UROS: variants seen among roughly 807,000 people sequenced by gnomAD.
UROS encodes the protein uroporphyrinogen III synthase, also known as uroporphyrinogen-III synthase.
A neutral mutation model predicts 33.0 loss-of-function variants in UROS; 18 were observed. The observed-to-expected ratio is 0.55, with a 90% CI of 0.38 to 0.81. UROS has a LOEUF of 0.81. Among genes scored for constraint, UROS ranks in the 30% least tolerant of loss-of-function variants. The pLI, the probability that UROS is intolerant of heterozygous loss-of-function variation, is 0.00. For synonymous variants in UROS, 114 were observed against 121.1 expected (o/e 0.94, Z 0.38); for missense variants, 293 against 314.9 (o/e 0.93, Z 0.53).
chr10:125,790,019 C>T (rs569392491), intron 9 of UROS, among the ~76,000 whole-genome samples: 4 of 152,338 alleles, frequency 2.6e-5, no homozygotes, highest in African/African-American at 9.6e-5. Flanking sequence ...TTCATCCTCC[C>T]TCCCAGCAAG....
chr10:125,819,648 C>T (rs1210652372), intron 1 of UROS: 1 of 152,378 alleles, frequency 6.6e-6, no homozygotes, highest in Non-Finnish European at 1.5e-5. Context: ...ACCCTAGGGT[C>T]TGCATCAAGC....
At chr10:125,786,415 T>C (rs746975631), downstream of UROS, among the ~76,000 whole-genome samples, 1 of 151,890 alleles carries the variant, frequency 6.6e-6, no homozygotes, top group Non-Finnish European at 1.5e-5. Context: ...GTAGCTGGGA[T>C]TATAGGCACC....
intron 3 of UROS, among the ~76,000 whole-genome samples, chr10:125,815,436 C>T (rs946079876): frequency 6.6e-6 from 1 of 152,114 alleles, no homozygotes; most frequent in Non-Finnish European, 1.5e-5. Flanking sequence ...CCTGACGCAG[C>T]CTGGGATTAG....
At chr10:125,821,664 GA>G (rs949773404) in intron 1 of UROS, among the ~76,000 whole-genome samples, 3 of 151,928 alleles carry the variant, frequency 2.0e-5, no homozygotes, top group Non-Finnish European at 2.9e-5. Flanking sequence ...AAAGAAACAG[GA>G]AAAAAAATTG....
intron 7 of UROS, chr10:125,796,672 C>A: frequency 1.5e-6 from 1 of 664,152 alleles, no homozygotes; most frequent in Non-Finnish European, 1.9e-6. Context: ...TCCACTTGTA[C>A]AAGAACTGAT....
chr10:125,805,237 G>C (rs1211302375), intron 6 of UROS, among the ~76,000 whole-genome samples: 1 of 152,186 alleles, frequency 6.6e-6, no homozygotes, highest in Non-Finnish European at 1.5e-5. Flanking sequence ...TTAAGCCTCT[G>C]CCCACCAGAT....
chr10:125,794,277 G>T lies in UROS; in HGVS notation c.660+603C>A, dbSNP rs532959914. On this transcript the variant is annotated intron_variant, in intron 9 of 9. Coordinates refer to ENST00000368797, the MANE Select transcript of UROS (RefSeq NM_000375.3). ...ATGAGATGCACCTGTGAGAAGGCAGGTGAAGCCTTTTGCTCTTCCTGACTG... is the reference window on the plus strand; with the variant it reads ...ATGAGATGCACCTGTGAGAAGGCAGTTGAAGCCTTTTGCTCTTCCTGACTG... 57 of 967,278 alleles carry T rather than the reference G, an allele frequency of 5.9e-5. No homozygotes were observed. In the African/African-American group the frequency reaches 9.0e-4, roughly 15 times the overall value. The allele number at this position is 967,278 out of a possible 1,614,324, so 59.9% of individuals were successfully genotyped here. A position where few individuals can be genotyped will look rare whatever the true frequency, so the allele number is the denominator to read the frequency against.
intron 1 of UROS, among the ~76,000 whole-genome samples, chr10:125,817,745 G>A (rs1341145116): frequency 6.6e-6 from 1 of 152,140 alleles, no homozygotes; most frequent in African/African-American, 2.4e-5. Flanking sequence ...CTCATCCAAA[G>A]TCTCAGAATT....
downstream of UROS, among the ~76,000 whole-genome samples, chr10:125,786,043 C>T (rs568404813): frequency 8.5e-5 from 13 of 152,216 alleles, no homozygotes; most frequent in South Asian, 1.9e-3. Flanking sequence ...GTGGGGGGTG[C>T]GACTCACTCA....
intron 8 of UROS, 133 bp from the exon 9 acceptor site, chr10:125,795,111 C>A: frequency 1.3e-6 from 1 of 774,792 alleles, no homozygotes; most frequent in Non-Finnish European, 2.3e-6. Flanking sequence ...TGGTTCCCGG[C>A]TGATGCTGGC....
intron 5 of UROS, 126 bp downstream of exon 5, chr10:125,812,088 A>T: frequency 1.2e-6 from 1 of 802,686 alleles, no homozygotes; most frequent in Non-Finnish European, 2.1e-6. Flanking sequence ...GTAGTATCGT[A>T]TACTTAATTA....
chr10:125,820,187 T>G (rs541725008), intron 1 of UROS, among the ~76,000 whole-genome samples: 1 of 152,260 alleles, frequency 6.6e-6, no homozygotes, highest in Admixed American at 6.5e-5. Context: ...AAGGGATTTG[T>G]TATAAGGTAT....
chr10:125,816,085 A>C (rs1290272749), intron 3 of UROS, 92 bp downstream of exon 3: 1 of 1,261,016 alleles, frequency 7.9e-7, no homozygotes, highest in Non-Finnish European at 1.2e-6. Context: ...TTGGGAATAA[A>C]ATAAGAAGAC....
At chr10:125,805,200 G>C (rs376745728) in intron 6 of UROS, among the ~76,000 whole-genome samples, 1 of 152,232 alleles carries the variant, frequency 6.6e-6, no homozygotes, top group Non-Finnish European at 1.5e-5. Context: ...GAAAAGGCCC[G>C]TGTAGTTCCT....
intron 6 of UROS, chr10:125,807,060 G>C: frequency 3.7e-6 from 1 of 272,720 alleles, no homozygotes; most frequent in Middle Eastern, 1.3e-3. Context: ...CTCCTGAGAA[G>C]GGAAAGGACA....
rs561208742 is a variant in UROS at position 125,823,167 on chromosome 10, G to C, written c.-165C>G. On this transcript the variant is annotated 5_prime_UTR_variant, in exon 1 of 10. Transcript: ENST00000368797. ...GCCCCCTCCCCACGCAGCCCGAGGG[G>C]CCGCGGCGGCCACCCGCGCCGGGCC... 1.2e-5 allele frequency: 2 copies of C among 172,558 alleles called. No individual in the cohort carries two copies. The highest frequency in any genetic ancestry group is 3.2e-4 in the East Asian group (2 of 6,218). 10.7% of individuals were successfully genotyped at this position (172,558 alleles called of 1,614,324 possible).
chr10:125,785,016 G>A (rs994645517), downstream of UROS: 5 of 152,058 alleles, frequency 3.3e-5, no homozygotes, highest in African/African-American at 9.7e-5. Context: ...ACTCGGAAAC[G>A]GTTTATCTTG....
intron 6 of UROS, chr10:125,802,628 C>G (rs1589959664): frequency 9.3e-7 from 1 of 1,078,488 alleles, no homozygotes; most frequent in East Asian, 6.9e-5. Context: ...ATGGTGAACA[C>G]TTTCTACCAC....
intron 5 of UROS, among the ~76,000 whole-genome samples, chr10:125,811,805 C>A (rs1192396212): frequency 1.1e-4 from 17 of 149,084 alleles, no homozygotes; most frequent in East Asian, 9.9e-4. Context: ...TTAAGAAAAC[C>A]AAAAAAAAAC....
Sources: gnomAD v4.1 joint callset for allele counts (sites outside exome capture counted in the v4.1 genomes callset) on GRCh38, gnomAD v4.1.1 for gene constraint, MANE v1.5 for transcripts, NCBI Gene and HGNC (gene_info 2026-07-23, HGNC 2026-07-21) for gene names.